Variants in CDH11 observed in about 807,000 individuals in gnomAD.
CDH11 encodes cadherin-11.
CDH11 carries 11 observed loss-of-function variants against 67.8 expected under a neutral mutation model. The observed-to-expected ratio is 0.16, with a 90% confidence interval of 0.10 to 0.27. The LOEUF (loss-of-function observed/expected upper bound fraction) is 0.27. Among genes scored for constraint, CDH11 ranks in the 10% least tolerant of loss-of-function variants. The pLI, the probability that CDH11 is intolerant of heterozygous loss-of-function variation, is 1.00. For synonymous variants in CDH11, 419 were observed against 400.0 expected, an observed-to-expected ratio of 1.05 and a Z score of -0.57; for missense variants, 847 against 1,031.2, an observed-to-expected ratio of 0.82 and a Z score of 2.45.
intron 2 of CDH11, chr16:65,006,732 GT>G (rs1352145755): frequency 6.6e-6 from 1 of 152,166 alleles, no homozygotes; most frequent in Non-Finnish European, 1.5e-5. Context: ...GTTTAGCTGT[GT>G]CCCCACCCAA....
intron 8 of CDH11, among the ~76,000 whole-genome samples, chr16:64,979,329 C>T (rs2072263668): frequency 6.6e-6 from 1 of 152,078 alleles, no homozygotes; most frequent in Non-Finnish European, 1.5e-5. Flanking sequence ...CACCTGTAGT[C>T]CCAGCTACTT....
Position 64,944,371 on chromosome 16 carries a change from T to C in CDH11, c.*3232A>G, listed in dbSNP as rs1010286820. The C allele has an allele frequency of 1.1e-4, 25 of 232,490 alleles. 1 individual carries two copies. Among genetic ancestry groups the C allele is most frequent in the Middle Eastern group, 1.2e-3 (1 of 806 alleles). The allele number at this position is 232,490 out of a possible 1,614,324, so 14.4% of individuals were successfully genotyped here. On this transcript the variant is annotated 3_prime_UTR_variant, in exon 13 of 13. Coordinates refer to ENST00000268603, the MANE Select transcript of CDH11 (RefSeq NM_001797.4). ...TCTTCTCCATCTCCAAATTACTGAA[T>C]TATTTCAGGCCCTCATTCTATCTCA...
At chr16:65,020,737 T>C (rs1320583717) in intron 2 of CDH11, among the ~76,000 whole-genome samples, 2 of 152,228 alleles carry the variant, frequency 1.3e-5, no homozygotes, top group African/African-American at 4.8e-5. Flanking sequence ...ATTTAACTGC[T>C]TATTTTTCTT....
Position 64,961,612 on chromosome 16 carries a change from T to C in CDH11, c.1642+9967A>G, listed in dbSNP as rs556823437. ...GATTATATATCAAATATTCAGATAT[T>C]AATATTAAAATTGTTCTCCCTTTAG... On this transcript the variant is annotated intron_variant, in intron 11 of 12. Transcript: ENST00000268603. Among the ~76,000 whole-genome samples, 4 of 152,296 alleles carry C rather than the reference T, an allele frequency of 2.6e-5. No homozygotes were observed. In the South Asian group the frequency reaches 8.3e-4, roughly 32 times the overall value.
chr16:65,024,953 C>T (rs1428914613), intron 2 of CDH11, among the ~76,000 whole-genome samples: 1 of 152,202 alleles, frequency 6.6e-6, no homozygotes, highest in African/African-American at 2.4e-5. Flanking sequence ...TGAAAAGCAG[C>T]TCTGCTGCAT....
intron 8 of CDH11, among the ~76,000 whole-genome samples, chr16:64,974,027 G>C (rs542789813): frequency 5.9e-5 from 9 of 152,144 alleles, no homozygotes; most frequent in Non-Finnish European, 1.2e-4. Context: ...CACCCACTAA[G>C]TTAACTTTTT....
chr16:64,975,206 C>T (rs935387512), intron 8 of CDH11, among the ~76,000 whole-genome samples: 1 of 152,048 alleles, frequency 6.6e-6, no homozygotes, highest in Non-Finnish European at 1.5e-5. Context: ...ACATTGCAAC[C>T]AACAGTAACT....
chr16:65,064,854 G>A (rs1325688653), intron 1 of CDH11, among the ~76,000 whole-genome samples: 2 of 152,178 alleles, frequency 1.3e-5, no homozygotes, highest in South Asian at 2.1e-4. Context: ...ATTGTATCCA[G>A]ATATTAGGGA....
intron 4 of CDH11, among the ~76,000 whole-genome samples, chr16:64,994,545 C>T (rs1277926920): frequency 6.6e-6 from 1 of 152,134 alleles, no homozygotes; most frequent in Admixed American, 6.5e-5. Flanking sequence ...TGCCATAATA[C>T]AATGTCTGAG....
At chr16:65,089,304 T>C (rs992716467) in intron 1 of CDH11, among the ~76,000 whole-genome samples, 1 of 152,044 alleles carries the variant, frequency 6.6e-6, no homozygotes, top group Admixed American at 6.6e-5. Flanking sequence ...ATTTTTCTCA[T>C]AGCAAAAAGG....
chr16:65,115,878 C>T (rs1056491914), intron 1 of CDH11, among the ~76,000 whole-genome samples: 2 of 152,032 alleles, frequency 1.3e-5, no homozygotes, highest in South Asian at 4.1e-4. Flanking sequence ...AGTTTGAGAC[C>T]AGCCATGAGC....
At chr16:64,966,763 A>AGT (rs1326568668) in intron 11 of CDH11, among the ~76,000 whole-genome samples, 1 of 152,174 alleles carries the variant, frequency 6.6e-6, no homozygotes, top group Non-Finnish European at 1.5e-5. Flanking sequence ...TGATACAAAA[A>AGT]GTGTAACATC....
At chr16:64,969,158 G>A (rs190853060) in intron 11 of CDH11, among the ~76,000 whole-genome samples, 5 of 152,198 alleles carry the variant, frequency 3.3e-5, no homozygotes, top group East Asian at 3.9e-4. Flanking sequence ...GATGGTATCC[G>A]CAAAGTATTG....
At chr16:65,108,231 G>A (rs549067445) in intron 1 of CDH11, among the ~76,000 whole-genome samples, 1 of 152,242 alleles carries the variant, frequency 6.6e-6, no homozygotes, top group South Asian at 2.1e-4. Flanking sequence ...GACTTCTCAG[G>A]CTGCGTTAGT....
chr16:64,960,695 C>A (rs2071648353), intron 11 of CDH11, among the ~76,000 whole-genome samples: 1 of 151,994 alleles, frequency 6.6e-6, no homozygotes, highest in Non-Finnish European at 1.5e-5. Flanking sequence ...GTTTCTGAAT[C>A]TTAAGATTTA....
chr16:64,976,538 G>A (rs1374967197), intron 8 of CDH11, among the ~76,000 whole-genome samples: 2 of 152,122 alleles, frequency 1.3e-5, no homozygotes, highest in Non-Finnish European at 2.9e-5. Flanking sequence ...AATTAGGAAG[G>A]GAAGATAAAA....
chr16:65,107,337 T>C (rs1315587343), intron 1 of CDH11, among the ~76,000 whole-genome samples: 2 of 152,224 alleles, frequency 1.3e-5, no homozygotes, highest in African/African-American at 4.8e-5. Flanking sequence ...TTGACTGAGA[T>C]AATTCATGGG....
At chr16:65,109,261 T>C (rs974837534) in intron 1 of CDH11, among the ~76,000 whole-genome samples, 2 of 152,158 alleles carry the variant, frequency 1.3e-5, no homozygotes, top group African/African-American at 4.8e-5. Context: ...CCTTATGAGG[T>C]TGTACTCTCT....
chr16:65,080,989 A>G (rs1227591001), intron 1 of CDH11, among the ~76,000 whole-genome samples: 1 of 152,194 alleles, frequency 6.6e-6, no homozygotes, highest in Admixed American at 6.5e-5. Flanking sequence ...GCCAAATTGT[A>G]TTGTATTTTA....
Sources: gnomAD v4.1 joint callset for allele counts (sites outside exome capture counted in the v4.1 genomes callset) on GRCh38, gnomAD v4.1.1 for gene constraint, MANE v1.5 for transcripts, NCBI Gene and HGNC (gene_info 2026-07-23, HGNC 2026-07-21) for gene names.